The following PER1 variants were observed in gnomAD, a reference collection of about 807,000 sequenced individuals.
PER1 encodes period circadian regulator 1.
A neutral mutation model predicts 125.9 loss-of-function variants in PER1; 87 were observed. The observed-to-expected ratio is 0.69, with a 90% CI of 0.58 to 0.83. The LOEUF (loss-of-function observed/expected upper bound fraction) is 0.83. Among genes scored for constraint, PER1 ranks in the 40% least tolerant of loss-of-function variants. The pLI is 0.00. For synonymous variants in PER1, 801 were observed against 714.7 expected (o/e 1.12, Z -1.93); for missense variants, 1,775 against 1,722.8 (o/e 1.03, Z -0.54).
chr17:8,149,113 T>G, intron 7 of PER1, 146 bp downstream of exon 7: 1 of 749,132 alleles, frequency 1.3e-6, no homozygotes, highest in Non-Finnish European at 2.3e-6. Context: ...CGCTTGAACC[T>G]GGGAGGCGGA....
chr17:8,144,958 G>A lies in PER1; in HGVS notation c.2254C>T (p.Pro752Ser), dbSNP rs756958687. The A allele has an allele frequency of 1.3e-6, 2 of 1,508,314 alleles. No individual in the cohort carries two copies. The highest frequency in any genetic ancestry group is 1.8e-6 in the Non-Finnish European group (2 of 1,129,556). The allele number at this position is 1,508,314 out of a possible 1,614,324, so 93.4% of individuals were successfully genotyped here. The change falls in exon 18 of 23, where the codon CCA (proline) becomes TCA (serine). Residue 752 changes from proline to serine, a missense_variant. Pro to Ser is a moderately conservative substitution (Grantham distance 74). Coordinates refer to ENST00000317276, the MANE Select transcript of PER1 (RefSeq NM_002616.3). The stretch of plus-strand genomic sequence containing the variant: ...GGGGCTGGGCTGGGGGCTGGGCCTG[G>A]GGCTAGGCCAGGCAGGTCCTCCATC... ...IMMEDLPGLAPGPAPSPAPSP... is the reference protein window; with the variant it reads ...IMMEDLPGLASGPAPSPAPSP...
chr17:8,147,571 G>C lies in PER1; in HGVS notation c.1396C>G (p.Leu466Val). Residue 466 changes from leucine (L) to valine (V), a missense_variant, in exon 12 of 23, where the codon CTG becomes GTG. Leu to Val is a conservative substitution (Grantham distance 32). Transcript: ENST00000317276. ...LGRHKVRTAPLNEDVFTPPAP... is the reference protein window; with the variant it reads ...LGRHKVRTAPVNEDVFTPPAP... ...GGGGGAGTGAACACGTCCTCATTCA[G>C]GGGGGCCCTGTAGAGTGAAGAGTGA... 2 of 1,612,950 alleles carry C rather than the reference G, an allele frequency of 1.2e-6. No homozygotes were observed. The highest frequency in any genetic ancestry group is 1.7e-6 in the Non-Finnish European group (2 of 1,179,220).
rs772247588 is a variant in PER1 at position 8,149,780 on chromosome 17, G to A, written c.626C>T (p.Thr209Met). 40 of 1,613,238 alleles carry A rather than the reference G, an allele frequency of 2.5e-5. 3 individuals are homozygous for A. The highest frequency in any genetic ancestry group is 1.9e-4 in the South Asian group (17 of 91,088). The change falls in exon 5 of 23, where the codon ACG (threonine) becomes ATG (methionine). Residue 209 changes from threonine to methionine, a missense_variant. Physicochemically the swap from Thr to Met is moderately conservative, Grantham distance 81. Transcript: ENST00000317276. ...CTGGTTCTGAAGTGTGTACTCAGACGTGATGTGCTCCAGCTCCTCCAGGGT... is the reference window on the plus strand; with the variant it reads ...CTGGTTCTGAAGTGTGTACTCAGACATGATGTGCTCCAGCTCCTCCAGGGT... Reference protein sequence around the residue: ...TYTLEELEHITSEYTLQNQDT... With the variant: ...TYTLEELEHIMSEYTLQNQDT...
chr17:8,141,818 G>A lies in PER1; in HGVS notation c.3587C>T (p.Ala1196Val), dbSNP rs145053802. 3.4e-4 allele frequency: 541 copies of A among 1,610,708 alleles called. 1 individual carries two copies. Among genetic ancestry groups the A allele is most frequent in the Non-Finnish European group, 4.2e-4 (500 of 1,176,970 alleles). Reference sequence around the variant, plus strand: ...GGCTTCTCTCACCATCACATCAAGAGCCCGAGGCAGTTGGCCCTTCCGGAC... The same window carrying A: ...GGCTTCTCTCACCATCACATCAAGAACCCGAGGCAGTTGGCCCTTCCGGAC... ...SWVRKGQLPRALDVMACVDCG... is the reference protein window; with the variant it reads ...SWVRKGQLPRVLDVMACVDCG... The change falls in exon 22 of 23, where the codon GCT becomes GTT. Residue 1196 changes from alanine to valine, a missense_variant. Coordinates refer to ENST00000317276, the MANE Select transcript of PER1 (RefSeq NM_002616.3).
At chr17:8,147,191 G>C (rs1982504951) in intron 13 of PER1, 59 bp downstream of exon 13, 4 of 1,552,166 alleles carry the variant, frequency 2.6e-6, no homozygotes, top group Non-Finnish European at 3.5e-6. Context: ...GGCAGTGCTG[G>C]TTCCAAGAAG....
In PER1 at chr17:8,141,940, C is replaced by A; in HGVS notation, c.3465G>T (p.Val1155=). 1.9e-6 allele frequency: 3 copies of A among 1,614,008 alleles called. No homozygotes were observed. The highest frequency in any genetic ancestry group is 2.5e-6 in the Non-Finnish European group (3 of 1,180,022). Residue 1155 remains valine (V), a synonymous_variant, in exon 22 of 23, where the codon GTG becomes GTT. Transcript: ENST00000317276. ...GGAGCCGCTCCCGATCCTGCTTCAG[C>A]ACAGAGGTCATGTCCCTGCCCAAGA... ...YQVPSRDMTS[V]LKQDRERLRA...
Position 8,151,614 on chromosome 17 carries a change from C to T in PER1, c.-140+723G>A, listed in dbSNP as rs192136488. Among the ~76,000 whole-genome samples the T allele has an allele frequency of 6.6e-3, 999 of 152,248 alleles. 9 individuals are homozygous for T. Among genetic ancestry groups the T allele is most frequent in the Non-Finnish European group, 8.5e-3 (579 of 68,002 alleles). On this transcript the variant is annotated intron_variant, in intron 1 of 22. Coordinates refer to ENST00000317276, the MANE Select transcript of PER1 (RefSeq NM_002616.3). ...CCTCAACCTGACTCTCGCCTGGATC[C>T]CAGTCATTCTGGTCAAGACAACACA...
rs775525179 is a variant in PER1 at position 8,146,130 on chromosome 17, C to G, written c.2046G>C (p.Pro682=). The G allele has an allele frequency of 1.2e-6, 2 of 1,601,254 alleles. No homozygotes were observed. The highest frequency in any genetic ancestry group is 2.3e-5 in the South Asian group (2 of 88,728). Residue 682 remains proline, a synonymous_variant, in exon 17 of 23, where the codon CCG becomes CCC. Coordinates refer to ENST00000317276, the MANE Select transcript of PER1 (RefSeq NM_002616.3). ...PVSVGTKKDP[P]SAALSGEGAT... The stretch of plus-strand genomic sequence containing the variant: ...CCCCCTCCCCAGACAGCGCTGCTGA[C>G]GGCGGATCTGTGCAGAGAGATGGTG...
Position 8,149,543 on chromosome 17 carries a change from G to A in PER1, c.772C>T (p.Leu258=). 1.2e-6 allele frequency: 2 copies of A among 1,613,936 alleles called. No homozygotes were observed. Among genetic ancestry groups the A allele is most frequent in the South Asian group, 2.2e-5 (2 of 91,090 alleles). The change falls in exon 6 of 23, where the codon CTG becomes TTG. Residue 258 remains leucine (L), a synonymous_variant. Coordinates refer to ENST00000317276, the MANE Select transcript of PER1 (RefSeq NM_002616.3). The part of the protein sequence containing the change: ...VFRGTRFSEL[L]APQDVGVFYG... ...AAGACTCCCACATCCTGGGGAGCCA[G>A]GAGCTCAGAGAAGCGGGTACCCCGG...
chr17:8,152,053 CAAG>C (rs1229663496), intron 1 of PER1, among the ~76,000 whole-genome samples: 1 of 152,176 alleles, frequency 6.6e-6, no homozygotes, highest in Non-Finnish European at 1.5e-5. Context: ...GAGTAACGAG[CAAG>C]AAGACCGGGG....
In PER1 at chr17:8,148,037, A is replaced by G; in HGVS notation, c.1194T>C (p.His398=). The change falls in exon 10 of 23, where the codon CAT becomes CAC. Residue 398 remains histidine, a synonymous_variant. Coordinates refer to ENST00000317276, the MANE Select transcript of PER1 (RefSeq NM_002616.3). ...LLGAPVLLFL[H]PEDRPLMLAI... ...CCAGCATGAGGGGTCGGTCCTCAGG[A>G]TGCAGGAACAGGAGCACTGGGGCCC... The G allele has an allele frequency of 6.2e-7, 1 of 1,613,298 alleles. No individual in the cohort carries two copies.
rs755303484 is a variant in PER1 at position 8,141,057 on chromosome 17, C to T, written c.*11G>A. 5.6e-6 allele frequency: 9 copies of T among 1,604,722 alleles called. No homozygotes were observed. The East Asian group carries it at 1.8e-4, about 32-fold the overall frequency. Reference sequence around the variant, plus strand: ...TCTCATGGACTCCTGGAGATGGTCCCAGAATGGAGTCTAGCTGGTGCAGTT... The same window carrying T: ...TCTCATGGACTCCTGGAGATGGTCCTAGAATGGAGTCTAGCTGGTGCAGTT... On this transcript the variant is annotated 3_prime_UTR_variant, in exon 23 of 23. Transcript: ENST00000317276.
Position 8,140,910 on chromosome 17 carries a change from C to T in PER1, c.*158G>A. On this transcript the variant is annotated 3_prime_UTR_variant, in exon 23 of 23. Transcript: ENST00000317276. ...GCTCCCTAAGAGGCCAGAGGCAGCC[C>T]CTGGATCCTAGGCTGGTGATGGGGG... is the stretch of plus-strand genomic sequence containing the variant. 1.2e-6 allele frequency: 1 copy of T among 812,694 alleles called. No homozygotes were observed. Among genetic ancestry groups the T allele is most frequent in the South Asian group, 1.8e-5 (1 of 56,904 alleles). 50.3% of individuals were successfully genotyped at this position (812,694 alleles called of 1,614,324 possible).
chr17:8,148,571 C>T, intron 8 of PER1, 73 bp downstream of exon 8: 3 of 1,509,124 alleles, frequency 2.0e-6, no homozygotes, highest in South Asian at 1.3e-5. Context: ...TCATGCCTCC[C>T]AAATTCATGT....
In PER1 at chr17:8,147,514, C is replaced by T; in HGVS notation, c.1453G>A (p.Asp485Asn). ...ATCTGCTCTGACAGCTCCTGGATAT[C>T]AGTGTCCAGGGAGGGAGCTGGGCTG... is the stretch of plus-strand genomic sequence containing the variant. Reference protein sequence around the residue: ...APSPAPSLDTDIQELSEQIHR... With the variant: ...APSPAPSLDTNIQELSEQIHR... The change falls in exon 12 of 23, where the codon GAT becomes AAT. Residue 485 changes from aspartate (D) to asparagine (N), a missense_variant. Coordinates refer to ENST00000317276, the MANE Select transcript of PER1 (RefSeq NM_002616.3). 6.2e-7 allele frequency: 1 copy of T among 1,613,864 alleles called. No homozygotes were observed. Among genetic ancestry groups the T allele is most frequent in the Non-Finnish European group, 8.5e-7 (1 of 1,179,848 alleles).
chr17:8,147,724 G>T lies in PER1; in HGVS notation c.1338C>A (p.His446Gln). 1 of 1,614,122 alleles carries T rather than the reference G, an allele frequency of 6.2e-7. No individual in the cohort carries two copies. Among genetic ancestry groups the T allele is most frequent in the Non-Finnish European group, 8.5e-7 (1 of 1,180,030 alleles). The change falls in exon 11 of 23, where the codon CAC becomes CAA. Residue 446 changes from histidine (H) to glutamine (Q), a missense_variant. Transcript: ENST00000317276. ...CGAAGGCTACCTTGCGGCTCCAGGG[G>T]TGCACAAAGCCAGCCCAGCTGGTGT... is the stretch of plus-strand genomic sequence containing the variant. ...TMDTSWAGFV[H>Q]PWSRKVAFVL...
intron 18 of PER1, chr17:8,144,323 G>A (rs961104351): frequency 2.4e-5 from 10 of 411,962 alleles, no homozygotes; most frequent in African/African-American, 4.1e-5. Context: ...TGAGTCCTGC[G>A]TCTGCCTGCA....
Position 8,141,012 on chromosome 17 carries a change from G to T in PER1, c.*56C>A. ...AGCCACATCTGAGTTCTGAGAATTG[G>T]GACATAGGAGAAGAAAGCCTCTCAT... On this transcript the variant is annotated 3_prime_UTR_variant, in exon 23 of 23. Coordinates refer to ENST00000317276, the MANE Select transcript of PER1 (RefSeq NM_002616.3). 1 of 1,546,976 alleles carries T rather than the reference G, an allele frequency of 6.5e-7. No homozygotes were observed. Among genetic ancestry groups the T allele is most frequent in the South Asian group, 1.2e-5 (1 of 81,644 alleles).
In PER1 at chr17:8,150,015, A is replaced by G. The variant is rs764024698; in HGVS notation, c.485T>C (p.Leu162Pro). Residue 162 changes from leucine (L) to proline (P), a missense_variant, in exon 4 of 23, where the codon CTG (leucine) becomes CCG (proline). Coordinates refer to ENST00000317276, the MANE Select transcript of PER1 (RefSeq NM_002616.3). The stretch of plus-strand genomic sequence containing the variant: ...GGCCAGTGCGTACTGCAGCGTGGCC[A>G]GGGTCCCAGAGCGGCCCTTGCCCCG... Reference protein sequence around the residue: ...ERRGKGRSGTLATLQYALACV... With the variant: ...ERRGKGRSGTPATLQYALACV... 1 of 1,614,166 alleles carries G rather than the reference A, an allele frequency of 6.2e-7. No individual in the cohort carries two copies. Among genetic ancestry groups the G allele is most frequent in the African/African-American group, 1.3e-5 (1 of 75,062 alleles).
Sources: allele counts gnomAD v4.1 joint callset (sites outside exome capture counted in the v4.1 genomes callset), GRCh38; gene constraint gnomAD v4.1.1; transcripts MANE v1.5; gene names NCBI Gene and HGNC (gene_info 2026-07-23, HGNC 2026-07-21).